The following DHX36 variants were observed in gnomAD, a reference collection of about 807,000 sequenced individuals.
DHX36 encodes the protein ATP-dependent DNA/RNA helicase DHX36.
In DHX36, 50 loss-of-function variants were observed where a neutral mutation model predicts 139.0. The ratio of observed to expected loss-of-function variants is 0.36; its 90% CI spans 0.29 to 0.46. DHX36 has a LOEUF of 0.46. Among genes scored for constraint, DHX36 ranks in the 20% least tolerant of loss-of-function variants. The pLI is 1.00. For synonymous variants in DHX36, 425 were observed against 401.9 expected, an observed-to-expected ratio of 1.06 and a Z score of -0.69; for missense variants, 1,024 against 1,211.3, an observed-to-expected ratio of 0.85 and a Z score of 2.29.
chr3:154,316,379 A>G (rs1238319937), intron 1 of DHX36, among the ~76,000 whole-genome samples: 1 of 152,040 alleles, frequency 6.6e-6, no homozygotes, highest in Non-Finnish European at 1.5e-5. Flanking sequence ...TTTTCCAACA[A>G]GCATTTATAA....
At chr3:154,317,477 A>AC (rs1218332820) in intron 1 of DHX36, among the ~76,000 whole-genome samples, 1 of 152,078 alleles carries the variant, frequency 6.6e-6, no homozygotes, top group East Asian at 1.9e-4. Context: ...CAGACGGATG[A>AC]CCAAGTCTGG....
chr3:154,309,829 T>A lies in DHX36; in HGVS notation c.643-6A>T, dbSNP rs1712662505. 1.9e-6 allele frequency: 3 copies of A among 1,574,078 alleles called. No homozygotes were observed. The highest frequency in any genetic ancestry group is 1.7e-6 in the Non-Finnish European group (2 of 1,159,522). ...TCAATTAAATTTACCAATTCCTATT[T>A]CAAAAGGGAAAATAAAGAATATCAC... On this transcript the variant is annotated splice_region_variant and splice_polypyrimidine_tract_variant and intron_variant, in intron 4 of 24. Transcript: ENST00000496811.
chr3:154,288,422 T>A (rs1032008467), intron 17 of DHX36, among the ~76,000 whole-genome samples: 3 of 151,892 alleles, frequency 2.0e-5, no homozygotes, highest in African/African-American at 7.3e-5. Flanking sequence ...ATGATTGGGA[T>A]TAAGGGACAG....
intron 9 of DHX36, among the ~76,000 whole-genome samples, chr3:154,302,071 T>TAAAAAAAA (rs773742984): frequency 1.9e-5 from 2 of 103,506 alleles, no homozygotes. Flanking sequence ...TGTGATAAAG[T>TAAAAAAAA]AAAAAAAAAA....
intron 5 of DHX36, among the ~76,000 whole-genome samples, chr3:154,307,002 A>C (rs1020765158): frequency 2.6e-5 from 4 of 152,280 alleles, no homozygotes; most frequent in Admixed American, 1.3e-4. Context: ...ATTTCTTCCT[A>C]CTATCAGCAT....
chr3:154,310,451 G>GTA (rs1712688158), intron 4 of DHX36, among the ~76,000 whole-genome samples: 1 of 151,908 alleles, frequency 6.6e-6, no homozygotes, highest in African/African-American at 2.4e-5. Context: ...TTATTTTCAT[G>GTA]TATAAAACAA....
At chr3:154,303,801 T>C (rs904145096) in intron 8 of DHX36, among the ~76,000 whole-genome samples, 9 of 152,338 alleles carry the variant, frequency 5.9e-5, no homozygotes, top group African/African-American at 1.7e-4. Flanking sequence ...TTACTACTTG[T>C]AGCACCCGGA....
Position 154,273,001 on chromosome 3 carries a change from G to C in DHX36, c.*3170C>G, listed in dbSNP as rs1056489357. ...TGGGAAGGCATCACATGTGCTCACT[G>C]TTCAACGATGCTTTTGAAAGATTAT... On this transcript the variant is annotated 3_prime_UTR_variant, in exon 25 of 25. Transcript: ENST00000496811. 4 of 151,994 alleles carry C rather than the reference G, an allele frequency of 2.6e-5. No individual in the cohort carries two copies. The highest frequency in any genetic ancestry group is 5.9e-5 in the Non-Finnish European group (4 of 68,008). 9.4% of individuals were successfully genotyped at this position (151,994 alleles called of 1,614,324 possible).
chr3:154,283,195 G>T lies in DHX36; in HGVS notation c.2369C>A (p.Thr790Lys). ...YCWEYFLSSN[T>K]LQMLHNMKGQ... The stretch of plus-strand genomic sequence containing the variant: ...CAAAACATTCACCATTACCTGCAGT[G>T]TGTTTGAAGACAGAAAATATTCCCA... Residue 790 changes from threonine (T) to lysine (K), a missense_variant, in exon 20 of 25, where the codon ACA becomes AAA. Physicochemically the swap from Thr to Lys is moderately conservative, Grantham distance 78. Coordinates refer to ENST00000496811, the MANE Select transcript of DHX36 (RefSeq NM_020865.3). 6.2e-7 allele frequency: 1 copy of T among 1,611,146 alleles called. No individual in the cohort carries two copies. The highest frequency in any genetic ancestry group is 8.5e-7 in the Non-Finnish European group (1 of 1,177,384).
At chr3:154,289,472 C>T (rs1009356388) in intron 16 of DHX36, among the ~76,000 whole-genome samples, 24 of 152,088 alleles carry the variant, frequency 1.6e-4, no homozygotes, top group Non-Finnish European at 3.1e-4. Context: ...CTAGCTTTTC[C>T]GGGGTAGAAG....
intron 3 of DHX36, chr3:154,312,321 G>A (rs188326296): frequency 6.6e-6 from 1 of 152,196 alleles, no homozygotes; most frequent in East Asian, 1.9e-4. Flanking sequence ...AATTTCAAAT[G>A]TGTTAAATTA....
At chr3:154,315,006 G>GA (rs746078455) in intron 3 of DHX36, 40 bp downstream of exon 3, 6 of 1,431,434 alleles carry the variant, frequency 4.2e-6, no homozygotes, top group Non-Finnish European at 9.6e-7. Context: ...TAAAGTGTAA[G>GA]AAAAAAATGA....
chr3:154,282,576 T>C lies in DHX36; in HGVS notation c.2376+612A>G, dbSNP rs61312911. Among the ~76,000 whole-genome samples the C allele has an allele frequency of 5.6e-3, 846 of 152,228 alleles. 11 individuals carry two copies. Among genetic ancestry groups the C allele is most frequent in the African/African-American group, 0.019 (808 of 41,556 alleles). On this transcript the variant is annotated intron_variant, in intron 20 of 24. Coordinates refer to ENST00000496811, the MANE Select transcript of DHX36 (RefSeq NM_020865.3). Reference sequence around the variant, plus strand: ...TTCCTTCCGAATTGTGGTGATCCTTTTTTTCCATTTTGCTAATGACTGGGC... The same window carrying C: ...TTCCTTCCGAATTGTGGTGATCCTTCTTTTCCATTTTGCTAATGACTGGGC...
rs1235944999 is a variant in DHX36 at position 154,284,582 on chromosome 3, C to A, written c.2292+1G>T. The stretch of plus-strand genomic sequence containing the variant: ...TCCAGGACAAAATTTTTTTTTTTTA[C>A]CTCAAACGCATTCACAACTGTTAAG... On this transcript the variant is annotated splice_donor_variant, in intron 19 of 24. Coordinates refer to ENST00000496811, the MANE Select transcript of DHX36 (RefSeq NM_020865.3). LOFTEE classifies it high-confidence loss of function. The A allele has an allele frequency of 3.2e-6, 5 of 1,585,990 alleles. No individual in the cohort carries two copies. The highest frequency in any genetic ancestry group is 4.3e-6 in the Non-Finnish European group (5 of 1,169,178).
At chr3:154,319,295 C>T (rs1453592867) in intron 1 of DHX36, 1 of 152,098 alleles carries the variant, frequency 6.6e-6, no homozygotes, top group African/African-American at 2.4e-5. Flanking sequence ...TTTTCAGTTC[C>T]TGGCAAGAAA....
At chr3:154,279,289 C>A (rs904444914) in intron 22 of DHX36, 11 of 152,264 alleles carry the variant, frequency 7.2e-5, no homozygotes, top group African/African-American at 2.2e-4. Context: ...AAAAAAAGGA[C>A]AAAAACAAGT....
intron 17 of DHX36, among the ~76,000 whole-genome samples, chr3:154,285,604 G>A (rs905128152): frequency 6.6e-6 from 1 of 151,954 alleles, no homozygotes; most frequent in African/African-American, 2.4e-5. Flanking sequence ...TGGCAGAAAG[G>A]AACATAAAAC....
intron 9 of DHX36, among the ~76,000 whole-genome samples, chr3:154,302,028 T>C (rs1207066268): frequency 6.6e-6 from 1 of 151,720 alleles, no homozygotes; most frequent in Non-Finnish European, 1.5e-5. Flanking sequence ...GAGATTAATG[T>C]TTGTAACAGT....
rs1209984291 is a variant in DHX36 at position 154,304,828 on chromosome 3, T to A, written c.1113A>T (p.Ala371=). Residue 371 remains alanine, a synonymous_variant, in exon 8 of 25, where the codon GCA becomes GCT. Transcript: ENST00000496811. ...KVILMSATLN[A]EKFSEYFGNC... is the part of the protein sequence containing the mutation. ...CACCAAAATATTCTGAAAACTTTTC[T>A]GCATTCAATGTTGCACTCATCAATA... 6.4e-7 allele frequency: 1 copy of A among 1,569,228 alleles called. No individual in the cohort carries two copies. The highest frequency in any genetic ancestry group is 2.0e-5 in the Admixed American group (1 of 48,792).
Sources: gnomAD v4.1 joint callset for allele counts (sites outside exome capture counted in the v4.1 genomes callset) on GRCh38, gnomAD v4.1.1 for gene constraint, MANE v1.5 for transcripts, NCBI Gene and HGNC (gene_info 2026-07-23, HGNC 2026-07-21) for gene names.